Variants in NEBL observed in about 807,000 individuals in gnomAD.
NEBL encodes the protein LIM and SH3 protein 2.
Under a neutral mutation model 140.2 loss-of-function variants are expected in NEBL, and 122 were observed. The observed-to-expected ratio is 0.87, with a 90% CI of 0.75 to 1.01. The LOEUF is 1.01. NEBL is among the 50% of genes least tolerant of loss of function. The pLI is 0.00. For synonymous variants in NEBL, 436 were observed against 398.9 expected (o/e 1.09, Z -1.11); for missense variants, 1,365 against 1,231.3 (o/e 1.11, Z -1.62).
chr10:21,247,057 T>C (rs946730619), intron 3 of NEBL, among the ~76,000 whole-genome samples: 1 of 152,042 alleles, frequency 6.6e-6, no homozygotes, highest in African/African-American at 2.4e-5. Flanking sequence ...CCCTTCACTC[T>C]CTCTCTCCCC....
At chr10:20,951,754 A>T (rs962918961) in intron 4 of NEBL, among the ~76,000 whole-genome samples, 1 of 152,336 alleles carries the variant, frequency 6.6e-6, no homozygotes, top group East Asian at 1.9e-4. Context: ...AAATATATAC[A>T]TAAGAGTTCT....
intron 3 of NEBL, among the ~76,000 whole-genome samples, chr10:21,189,390 A>G (rs1203570755): frequency 6.6e-6 from 1 of 152,212 alleles, no homozygotes; most frequent in Non-Finnish European, 1.5e-5. Flanking sequence ...CAGAGTATCC[A>G]GACACCTTGA....
At chr10:21,170,120 T>A (rs1436109326) in intron 2 of NEBL, 1 of 152,250 alleles carries the variant, frequency 6.6e-6, no homozygotes, top group Non-Finnish European at 1.5e-5. Flanking sequence ...AGTATCCCAA[T>A]GCAGTCAATG....
intron 7 of NEBL, among the ~76,000 whole-genome samples, chr10:20,864,219 T>C (rs1363229450): frequency 1.3e-5 from 2 of 152,194 alleles, no homozygotes; most frequent in African/African-American, 4.8e-5. Flanking sequence ...TAAACTACTC[T>C]TAGAATTTTT....
chr10:21,252,794 A>C (rs1318022359), intron 1 of NEBL, among the ~76,000 whole-genome samples: 1 of 152,162 alleles, frequency 6.6e-6, no homozygotes, highest in East Asian at 1.9e-4. Context: ...TGTCTCTACT[A>C]AAAATACAAA....
intron 26 of NEBL, among the ~76,000 whole-genome samples, chr10:20,789,853 T>TTATATATATA (rs537896711): frequency 3.0e-4 from 45 of 149,496 alleles, no homozygotes; most frequent in African/African-American, 1.1e-3. Context: ...ATCTCAAATT[T>TTATATATATA]TATATATATA....
At chr10:20,819,176 C>T (rs1839029752) in intron 20 of NEBL, 4 of 836,608 alleles carry the variant, frequency 4.8e-6, no homozygotes, top group Non-Finnish European at 6.8e-6. Flanking sequence ...GCATTAAGCC[C>T]AGTACTCAAC....
chr10:20,846,112 T>C (rs149384673), intron 11 of NEBL, among the ~76,000 whole-genome samples: 103 of 152,258 alleles, frequency 6.8e-4, no homozygotes, highest in African/African-American at 2.4e-3. Flanking sequence ...TGGCTATGAC[T>C]CTCTAAATTC....
chr10:21,098,437 A>G (rs1047819798), intron 2 of NEBL, among the ~76,000 whole-genome samples: 5 of 152,222 alleles, frequency 3.3e-5, no homozygotes, highest in Non-Finnish European at 5.9e-5. Context: ...ATGCAGACTC[A>G]GGAAACCCAA....
chr10:20,916,883 G>C (rs1848579421), intron 4 of NEBL, among the ~76,000 whole-genome samples: 1 of 152,048 alleles, frequency 6.6e-6, no homozygotes, highest in South Asian at 2.1e-4. Context: ...TATTGACATG[G>C]GGAAAAAAGT....
chr10:21,082,203 G>A (rs1836398144), intron 2 of NEBL, among the ~76,000 whole-genome samples: 2 of 152,170 alleles, frequency 1.3e-5, no homozygotes, highest in African/African-American at 4.8e-5. Context: ...TTGCAGGTTA[G>A]TGGAAACTGA....
At chr10:20,952,367 G>A (rs979598048) in intron 4 of NEBL, among the ~76,000 whole-genome samples, 7 of 150,954 alleles carry the variant, frequency 4.6e-5, no homozygotes, top group African/African-American at 9.8e-5. Flanking sequence ...AACCCAGGAG[G>A]CAGAGGTTGC....
At chr10:21,209,670 T>C (rs964931495) in intron 3 of NEBL, among the ~76,000 whole-genome samples, 10 of 146,930 alleles carry the variant, frequency 6.8e-5, no homozygotes, top group African/African-American at 2.6e-4. Context: ...TCTTTTTTTT[T>C]TTTTTCTTTT....
At chr10:21,247,592 C>T (rs762260256) in intron 3 of NEBL, among the ~76,000 whole-genome samples, 6 of 152,130 alleles carry the variant, frequency 3.9e-5, no homozygotes, top group Non-Finnish European at 5.9e-5. Flanking sequence ...GCTTCATCCT[C>T]TACTGAAAAT....
Position 21,126,170 on chromosome 10 carries a change from C to A in NEBL, c.164+46213G>T, listed in dbSNP as rs975604797. ...TCCGTTCTTCAAGCCTGGTACCCCC[C>A]ATAGAAAGGAAAAAAAATACCACAT... On this transcript the variant is annotated intron_variant, in intron 2 of 6. Coordinates refer to the NEBL transcript ENST00000417816. The A allele has an allele frequency of 4.5e-6, 7 of 1,557,362 alleles. No homozygotes were observed. In the Admixed American group the frequency reaches 9.7e-5, roughly 22 times the overall value.
intron 3 of NEBL, among the ~76,000 whole-genome samples, chr10:21,238,569 G>A (rs1300639569): frequency 6.6e-6 from 1 of 151,856 alleles, no homozygotes; most frequent in Non-Finnish European, 1.5e-5. Flanking sequence ...AATTAGCTGG[G>A]CTTGATGGTG....
At chr10:20,992,507 G>A (rs1357024248) in intron 3 of NEBL, among the ~76,000 whole-genome samples, 1 of 152,116 alleles carries the variant, frequency 6.6e-6, no homozygotes, top group Non-Finnish European at 1.5e-5. Flanking sequence ...ACAGGCCCCA[G>A]TGGCAGAGGT....
chr10:21,262,283 C>T (rs1842749007), intron 1 of NEBL, among the ~76,000 whole-genome samples: 1 of 152,162 alleles, frequency 6.6e-6, no homozygotes, highest in Non-Finnish European at 1.5e-5. Context: ...TACGCCATCA[C>T]GAAATGCTTT....
At chr10:20,842,571 T>C (rs1203573186) in intron 12 of NEBL, among the ~76,000 whole-genome samples, 1 of 152,088 alleles carries the variant, frequency 6.6e-6, no homozygotes, top group Non-Finnish European at 1.5e-5. Flanking sequence ...GCTATAACTA[T>C]TTTTTAAGTT....
Sources: gnomAD v4.1 joint callset for allele counts (sites outside exome capture counted in the v4.1 genomes callset) on GRCh38, gnomAD v4.1.1 for gene constraint, MANE v1.5 for transcripts, NCBI Gene and HGNC (gene_info 2026-07-23, HGNC 2026-07-21) for gene names.